The following SLC46A1 variants were observed in gnomAD, a reference collection of about 807,000 sequenced individuals.
The protein encoded by SLC46A1 is solute carrier family 46 member 1.
A neutral mutation model predicts 32.1 loss-of-function variants in SLC46A1; 17 were observed. The ratio of observed to expected loss-of-function variants is 0.53; its 90% CI spans 0.36 to 0.79. The LOEUF is 0.79. Ranked by LOEUF, SLC46A1 falls within the 30% of genes least tolerant of loss-of-function variation. SLC46A1 has a pLI of 0.00. For missense variants in SLC46A1, 517 were observed against 588.2 expected (o/e 0.88, Z 1.25); for synonymous variants, 240 against 262.7 (o/e 0.91, Z 0.84).
intron 2 of SLC46A1, 128 bp from the exon 3 acceptor site, chr17:28,402,449 G>T: frequency 1.4e-6 from 1 of 724,902 alleles, no homozygotes; most frequent in Non-Finnish European, 2.3e-6. Context: ...CTTCCTTGAT[G>T]GTGAGGGTGG....
rs113093738 is a variant in SLC46A1 at position 28,402,060 on chromosome 17, T to C, written c.1165+178A>G. On this transcript the variant is annotated intron_variant, in intron 3 of 4. Transcript: ENST00000612814. ...AACTCTGCGGTTTGAAAATCCAAGG[T>C]GGCATGATCCTCTGCCCATTGTGGG... The C allele has an allele frequency of 8.5e-3, 4,642 of 547,370 alleles. 164 individuals carry two copies. The highest frequency in any genetic ancestry group is 0.079 in the African/African-American group (4,200 of 53,022). The allele number at this position is 547,370 out of a possible 1,614,324, so 33.9% of individuals were successfully genotyped here. A position where few individuals can be genotyped will look rare whatever the true frequency, so the allele number is the denominator to read the frequency against.
rs2142455207 is a variant in SLC46A1, at chr17:28,400,730, A to G, written c.1202T>C (p.Leu401Pro). 1 of 1,597,754 alleles carries G rather than the reference A, an allele frequency of 6.3e-7. No individual in the cohort carries two copies. Among genetic ancestry groups the G allele is most frequent in the Non-Finnish European group, 8.5e-7 (1 of 1,172,230 alleles). Residue 401 changes from leucine to proline, a missense_variant, in exon 4 of 5, where the codon CTG becomes CCG. Transcript: ENST00000612814. ...LFSAVACVNS[L>P]AMLTASGIFN... ...GATGCCGGAGGCCGTCAGCATGGCC[A>G]GGCTATTCACACAGGCCACAGCAGA...
chr17:28,402,061 G>GATTTTCA (rs1555589722), intron 3 of SLC46A1, 177 bp downstream of exon 3: 1 of 555,522 alleles, frequency 1.8e-6, no homozygotes, highest in Non-Finnish European at 3.2e-6. Context: ...AATCCAAGGT[G>GATTTTCA]GCATGATCCT....
chr17:28,406,133 T>C lies in SLC46A1; in HGVS notation c.-19A>G. 1 of 1,375,362 alleles carries C rather than the reference T, an allele frequency of 7.3e-7. No homozygotes were observed. 85.2% of individuals were successfully genotyped at this position (1,375,362 alleles called of 1,614,324 possible). ...CCTCCATGTGCGTGCGCGGCGGAGC[T>C]GTCGCCAGGCGGGCGGCGGGGCGCG... On this transcript the variant is annotated 5_prime_UTR_variant, in exon 1 of 5. Coordinates refer to ENST00000612814, the MANE Select transcript of SLC46A1 (RefSeq NM_080669.6). This position sits in a 1 kb window ranked among gnomAD's most constrained non-coding sequence, Gnocchi z 4.5.
Position 28,396,360 on chromosome 17 carries a change from C to A in SLC46A1, c.*3296G>T, listed in dbSNP as rs1230147772. 2 of 1,580,504 alleles carry A rather than the reference C, an allele frequency of 1.3e-6. No homozygotes were observed. Among genetic ancestry groups the A allele is most frequent in the African/African-American group, 1.3e-5 (1 of 74,224 alleles). On this transcript the variant is annotated 3_prime_UTR_variant, in exon 5 of 5. Transcript: ENST00000612814. ...TTTCTGAAGGAACAGCTCCTGAAAC[C>A]AGTCTCCCTGGGCTGAGACAACCTG...
Position 28,405,998 on chromosome 17 carries a change from C to T in SLC46A1, c.117G>A (p.Gln39=), listed in dbSNP as rs2142470056. The T allele has an allele frequency of 3.1e-6, 5 of 1,611,360 alleles. No homozygotes were observed. The African/African-American group carries it at 4.0e-5, about 13-fold the overall frequency. The change falls in exon 1 of 5, where the codon CAG becomes CAA. Residue 39 remains glutamine (Q), a synonymous_variant. Coordinates refer to ENST00000612814, the MANE Select transcript of SLC46A1 (RefSeq NM_080669.6). The part of the protein sequence containing the change: ...VFLANFALVL[Q]GPLTTQYLWH... ...ACAGATACTGCGTGGTGAGCGGGCCCTGCAGGACCAAGGCAAAGTTGGCCA... is the reference window on the plus strand; with the variant it reads ...ACAGATACTGCGTGGTGAGCGGGCCTTGCAGGACCAAGGCAAAGTTGGCCA...
Position 28,398,860 on chromosome 17 carries a change from C to G in SLC46A1, c.*796G>C, listed in dbSNP as rs1372533553. The G allele has an allele frequency of 6.6e-6, 1 of 152,236 alleles. No individual in the cohort carries two copies. The allele number at this position is 152,236 out of a possible 1,614,324, so 9.4% of individuals were successfully genotyped here. On this transcript the variant is annotated 3_prime_UTR_variant, in exon 5 of 5. Transcript: ENST00000612814. ...ATCTAGCCGTTCCTAGTGGGGCTTGCTCAAGGTTGCACAGCGAGTCAGTAG... is the reference window on the plus strand; with the variant it reads ...ATCTAGCCGTTCCTAGTGGGGCTTGGTCAAGGTTGCACAGCGAGTCAGTAG...
chr17:28,401,114 C>A (rs1291259613), intron 3 of SLC46A1: 13 of 348,502 alleles, frequency 3.7e-5, no homozygotes, highest in Non-Finnish European at 7.2e-5. Context: ...TCTTTGGAAT[C>A]ATCTCCTGTT....
intron 3 of SLC46A1, chr17:28,402,034 C>T: frequency 1.9e-6 from 1 of 520,434 alleles, no homozygotes; most frequent in South Asian, 2.8e-5. Context: ...CTGCAAATCC[C>T]AACTCTGCGG....
Position 28,396,951 on chromosome 17 carries a change from C to T in SLC46A1, c.*2705G>A, listed in dbSNP as rs2142446004. The T allele has an allele frequency of 6.6e-6, 1 of 152,552 alleles. No homozygotes were observed. Among genetic ancestry groups the T allele is most frequent in the African/African-American group, 2.4e-5 (1 of 41,596 alleles). The allele number at this position is 152,552 out of a possible 1,614,324, so 9.4% of individuals were successfully genotyped here. A position where few individuals can be genotyped will look rare whatever the true frequency, so the allele number is the denominator to read the frequency against. On this transcript the variant is annotated 3_prime_UTR_variant, in exon 5 of 5. Transcript: ENST00000612814. Reference sequence around the variant, plus strand: ...CCAGCCCTCCCTCTGACTTCCTTGTCACTGCAGCCAGCTTTGCTGCACTTG... The same window carrying T: ...CCAGCCCTCCCTCTGACTTCCTTGTTACTGCAGCCAGCTTTGCTGCACTTG...
intron 2 of SLC46A1, 153 bp downstream of exon 2, chr17:28,404,463 T>G: frequency 2.1e-6 from 2 of 969,352 alleles, no homozygotes; most frequent in Non-Finnish European, 3.1e-6. Context: ...TTTTGAGGGA[T>G]TTCTTAGTTG....
Position 28,406,196 on chromosome 17 carries a change from T to G in SLC46A1, c.-82A>C. 1 of 1,116,706 alleles carries G rather than the reference T, an allele frequency of 9.0e-7. No individual in the cohort carries two copies. The highest frequency in any genetic ancestry group is 2.7e-5 in the South Asian group (1 of 36,718). 69.2% of individuals were successfully genotyped at this position (1,116,706 alleles called of 1,614,324 possible). On this transcript the variant is annotated 5_prime_UTR_variant, in exon 1 of 5. Transcript: ENST00000612814. The surrounding 1 kb of genome is among the most constrained non-coding windows in gnomAD (Gnocchi z 4.5). ...TGCCTGGGACCAGCGACGCGTGGCG[T>G]GGGGCTTGCGCTGTCTGCGCCTGCG...
chr17:28,401,051 T>C, intron 3 of SLC46A1: 1 of 418,122 alleles, frequency 2.4e-6, no homozygotes, highest in Non-Finnish European at 4.5e-6. Context: ...AAAAAGTACA[T>C]GTGATATTGT....
At chr17:28,405,672 T>C (rs1452824048) in intron 1 of SLC46A1, 1 of 949,200 alleles carries the variant, frequency 1.1e-6, no homozygotes, top group African/African-American at 1.7e-5. Context: ...TCCCCCCCCT[T>C]TTGTTAACCT....
chr17:28,403,104 G>A (rs772245583), intron 2 of SLC46A1: 1 of 152,242 alleles, frequency 6.6e-6, no homozygotes, highest in African/African-American at 2.4e-5. Flanking sequence ...TGAGAAACAC[G>A]TTCTCTCCTG....
intron 1 of SLC46A1, 141 bp downstream of exon 1, chr17:28,405,746 T>G: frequency 1.9e-6 from 2 of 1,075,658 alleles, no homozygotes; most frequent in Non-Finnish European, 2.6e-6. Context: ...TCAGGCCCCT[T>G]TGCTCTGGTC....
Position 28,404,913 on chromosome 17 carries a change from T to C in SLC46A1, c.784A>G (p.Lys262Glu), listed in dbSNP as rs782729175. ...VQLYVAPAPEKSRKHLALYSL... is the reference protein window; with the variant it reads ...VQLYVAPAPEESRKHLALYSL... ...TAGAGGGCTAAATGTTTCCTGGACT[T>C]CTCTGGGGCGGGAGCCACATAGAGC... Residue 262 changes from lysine (K) to glutamate (E), a missense_variant, in exon 2 of 5, where the codon AAG becomes GAG. By Grantham distance (56) the Lys-to-Glu change is moderately conservative. Transcript: ENST00000612814. The C allele has an allele frequency of 6.2e-6, 10 of 1,613,854 alleles. No homozygotes were observed. The South Asian group carries it at 1.1e-4, about 18-fold the overall frequency.
Position 28,396,751 on chromosome 17 carries a change from T to C in SLC46A1, c.*2905A>G. 1 of 169,546 alleles carries C rather than the reference T, an allele frequency of 5.9e-6. No individual in the cohort carries two copies. The highest frequency in any genetic ancestry group is 1.6e-4 in the East Asian group (1 of 6,074). 10.5% of individuals were successfully genotyped at this position (169,546 alleles called of 1,614,324 possible). On this transcript the variant is annotated 3_prime_UTR_variant, in exon 5 of 5. Coordinates refer to ENST00000612814, the MANE Select transcript of SLC46A1 (RefSeq NM_080669.6). ...AGGAGCCAGCCAGGGATGAGTGCCA[T>C]CATGGCTCTCCACTCAGACTGTGCC... is the stretch of plus-strand genomic sequence containing the variant.
At position 28,398,692 on chromosome 17, in the gene SLC46A1, C is replaced by T. The variant is rs782189772; in HGVS notation, c.*964G>A. ...GGTCAAAAGTCCAGCCACACTCATTCATCCTTTCCCCAGGCCCATGAAGAG... is the reference window on the plus strand; with the variant it reads ...GGTCAAAAGTCCAGCCACACTCATTTATCCTTTCCCCAGGCCCATGAAGAG... On this transcript the variant is annotated 3_prime_UTR_variant, in exon 5 of 5. Coordinates refer to ENST00000612814, the MANE Select transcript of SLC46A1 (RefSeq NM_080669.6). The T allele has an allele frequency of 2.0e-5, 3 of 152,328 alleles. No homozygotes were observed. The highest frequency in any genetic ancestry group is 2.9e-5 in the Non-Finnish European group (2 of 68,132). 9.4% of individuals were successfully genotyped at this position (152,328 alleles called of 1,614,324 possible).
Sources: gnomAD v4.1 joint callset for allele counts on GRCh38, gnomAD v4.1.1 for gene constraint, Gnocchi (gnomAD v3.1) non-coding constraint, MANE v1.5 for transcripts, NCBI Gene and HGNC (gene_info 2026-07-23, HGNC 2026-07-21) for gene names.